INSYN2B: variants seen among roughly 807,000 people sequenced by gnomAD.
INSYN2B encodes protein INSYN2B.
A neutral mutation model predicts 41.2 loss-of-function variants in INSYN2B; 16 were observed. The observed-to-expected ratio is 0.39, with a 90% CI of 0.26 to 0.59. The LOEUF is 0.59. INSYN2B is among the 20% of genes least tolerant of loss of function. The probability of loss-of-function intolerance (pLI) is 0.57; values close to 1 mark genes in which losing one functional copy is unlikely to be tolerated. For synonymous variants in INSYN2B, 245 were observed against 244.4 expected, an observed-to-expected ratio of 1.00 and a Z score of -0.02; for missense variants, 608 against 646.4, an observed-to-expected ratio of 0.94 and a Z score of 0.64.
At chr5:169,924,601 A>T (rs1775339634) in intron 1 of INSYN2B, among the ~76,000 whole-genome samples, 1 of 152,316 alleles carries the variant, frequency 6.6e-6, no homozygotes, top group Admixed American at 6.5e-5. Flanking sequence ...CTATTCAATC[A>T]TGCTGAAGTT....
chr5:169,967,022 G>C (rs1242890790), intron 1 of INSYN2B, among the ~76,000 whole-genome samples: 1 of 152,188 alleles, frequency 6.6e-6, no homozygotes, highest in Non-Finnish European at 1.5e-5. Flanking sequence ...TCCATTCATT[G>C]AGCAATTAAT....
intron 3 of INSYN2B, among the ~76,000 whole-genome samples, chr5:169,867,469 C>A (rs558189159): frequency 3.8e-4 from 57 of 151,912 alleles, no homozygotes; most frequent in Non-Finnish European, 2.6e-4. Context: ...ATCTATTGAT[C>A]CATCCATCTA....
chr5:169,925,916 C>T (rs1055988079), intron 1 of INSYN2B, among the ~76,000 whole-genome samples: 7 of 152,222 alleles, frequency 4.6e-5, no homozygotes, highest in African/African-American at 7.2e-5. Flanking sequence ...TTGTGTTTCC[C>T]GCAGAGACTC....
At chr5:169,933,809 G>A (rs929205711) in intron 1 of INSYN2B, among the ~76,000 whole-genome samples, 2 of 152,126 alleles carry the variant, frequency 1.3e-5, no homozygotes, top group African/African-American at 4.8e-5. Context: ...GATTTATGAG[G>A]TGGGGAATGC....
At chr5:169,948,519 T>C (rs1011434280) in intron 1 of INSYN2B, among the ~76,000 whole-genome samples, 4 of 152,062 alleles carry the variant, frequency 2.6e-5, no homozygotes, top group African/African-American at 9.7e-5. Flanking sequence ...TACACACACA[T>C]AGAAACACAT....
chr5:169,938,428 T>G (rs1230041829), intron 1 of INSYN2B, among the ~76,000 whole-genome samples: 2 of 152,212 alleles, frequency 1.3e-5, no homozygotes, highest in Non-Finnish European at 2.9e-5. Context: ...TAGAGCCTAT[T>G]GCTCCTACGC....
At position 169,871,463 on chromosome 5, in the gene INSYN2B, CCTT is replaced by C. The variant is rs144483815; in HGVS notation, c.1422-7007_1422-7005del. Among the ~76,000 whole-genome samples the C allele has an allele frequency of 2.8e-3, 431 of 152,280 alleles. 1 individual carries two copies. The highest frequency in any genetic ancestry group is 5.0e-3 in the Non-Finnish European group (339 of 68,006). ...AGACACTATGCTACAAGTTTACACT[CCTT>C]CTCTCATGAATTCTCACAATCCCAT... is the stretch of plus-strand genomic sequence containing the variant. On this transcript the variant is annotated intron_variant, in intron 3 of 3. Transcript: ENST00000377365.
intron 1 of INSYN2B, among the ~76,000 whole-genome samples, chr5:169,899,564 G>A (rs1046301759): frequency 1.3e-5 from 2 of 152,210 alleles, no homozygotes; most frequent in African/African-American, 4.8e-5. Flanking sequence ...ATAAATGTTT[G>A]TGCAGAGCTG....
At position 169,894,470 on chromosome 5, in the gene INSYN2B, TG is replaced by T. The variant is rs1343062737; in HGVS notation, c.-918-9655del. On this transcript the variant is annotated intron_variant, in intron 1 of 3. Transcript: ENST00000377365. Reference sequence around the variant, plus strand: ...GGACTCTGCAGTGCGCCATCCACCCTGGTACAGCAAAGCATTGGCAGGCAGC... The same window carrying T: ...GGACTCTGCAGTGCGCCATCCACCCTGTACAGCAAAGCATTGGCAGGCAGC... 2.6e-5 allele frequency among the ~76,000 whole-genome samples: 4 copies of T among 152,176 alleles called. No homozygotes were observed. In the East Asian group the frequency reaches 7.7e-4, roughly 29 times the overall value.
intron 1 of INSYN2B, among the ~76,000 whole-genome samples, chr5:169,972,582 TAGATGATAGATAGATAGATA>T (rs1383373675): frequency 9.8e-5 from 6 of 61,506 alleles, no homozygotes; most frequent in African/African-American, 4.1e-4. Context: ...GATAGATAGA[TAGATGATAGATAGATAGATA>T]GATAGATAGA....
chr5:169,971,388 A>G (rs1272902651), intron 1 of INSYN2B, among the ~76,000 whole-genome samples: 1 of 150,096 alleles, frequency 6.7e-6, no homozygotes, highest in Non-Finnish European at 1.5e-5. Context: ...GAGCCCTAGG[A>G]ATGGACTTCC....
At chr5:169,935,351 G>A (rs879583155) in intron 1 of INSYN2B, among the ~76,000 whole-genome samples, 1 of 151,640 alleles carries the variant, frequency 6.6e-6, no homozygotes, top group Non-Finnish European at 1.5e-5. Context: ...TCTCACTTGC[G>A]CCCTTCTGCT....
intron 3 of INSYN2B, among the ~76,000 whole-genome samples, chr5:169,874,474 C>T (rs888168181): frequency 4.1e-5 from 6 of 146,938 alleles, no homozygotes; most frequent in Non-Finnish European, 8.9e-5. Context: ...GGAAAATGAG[C>T]GGGTGGTGGT....
intron 1 of INSYN2B, chr5:169,934,614 T>A: frequency 2.2e-6 from 1 of 456,104 alleles, no homozygotes; most frequent in Non-Finnish European, 4.4e-6. Flanking sequence ...TTGGGCAAGA[T>A]ACTTCCCCTT....
chr5:169,922,922 A>G lies in INSYN2B; in HGVS notation c.-918-38106T>C, dbSNP rs571919115. The stretch of plus-strand genomic sequence containing the variant: ...TATTTAACAAACACCTGTACAGTAC[A>G]GTGTTTATTGTCATTACAGGCAAGC... On this transcript the variant is annotated intron_variant, in intron 1 of 3. Coordinates refer to ENST00000377365, the MANE Select transcript of INSYN2B (RefSeq NM_001129891.3). 2.0e-5 allele frequency among the ~76,000 whole-genome samples: 3 copies of G among 152,360 alleles called. No individual in the cohort carries two copies. In the East Asian group the frequency reaches 5.8e-4, roughly 29 times the overall value.
At chr5:169,970,385 G>A (rs1199025079) in intron 1 of INSYN2B, among the ~76,000 whole-genome samples, 1 of 152,230 alleles carries the variant, frequency 6.6e-6, no homozygotes, top group Non-Finnish European at 1.5e-5. Context: ...TTTATCCTGG[G>A]CATCTGGACA....
At chr5:169,944,227 T>C (rs1013358568) in intron 1 of INSYN2B, among the ~76,000 whole-genome samples, 2 of 152,174 alleles carry the variant, frequency 1.3e-5, no homozygotes, top group Non-Finnish European at 2.9e-5. Flanking sequence ...TGAGAGCTGG[T>C]GAGCCCCAAC....
At chr5:169,949,078 C>CAG (rs1561845325) in intron 1 of INSYN2B, among the ~76,000 whole-genome samples, 2 of 152,186 alleles carry the variant, frequency 1.3e-5, no homozygotes. Flanking sequence ...AAAGGAAAAG[C>CAG]AGAGCATGTG....
chr5:169,903,574 G>T (rs1044159141), intron 1 of INSYN2B, among the ~76,000 whole-genome samples: 3 of 152,136 alleles, frequency 2.0e-5, no homozygotes, highest in African/African-American at 7.2e-5. Flanking sequence ...GGAGATGGGA[G>T]AAGGGAAGTC....
Sources: allele counts gnomAD v4.1 joint callset (sites outside exome capture counted in the v4.1 genomes callset), GRCh38; gene constraint gnomAD v4.1.1; transcripts MANE v1.5; gene names NCBI Gene and HGNC (gene_info 2026-07-23, HGNC 2026-07-21).